Variants in CHSY1 observed in about 807,000 individuals in gnomAD.
The protein encoded by CHSY1 is N-acetylgalactosaminyl-proteoglycan 3-beta-glucuronosyltransferase 1.
Under a neutral mutation model 59.8 loss-of-function variants are expected in CHSY1, and 13 were observed. That is an observed-to-expected ratio of 0.22 (90% CI 0.14 to 0.35). The LOEUF (loss-of-function observed/expected upper bound fraction) is 0.35, where lower values mean the gene tolerates loss of function less well. CHSY1 is among the 10% of genes least tolerant of loss of function. The pLI is 1.00. For missense variants in CHSY1, 947 were observed against 1,030.6 expected (o/e 0.92, Z 1.11); for synonymous variants, 459 against 401.2 (o/e 1.14, Z -1.72).
chr15:101,248,534 G>C (rs932745315), intron 1 of CHSY1, among the ~76,000 whole-genome samples: 9 of 152,174 alleles, frequency 5.9e-5, no homozygotes, highest in African/African-American at 2.2e-4. Context: ...CCTGGTAGGC[G>C]TTTTCCTTTC....
At chr15:101,195,381 C>T (rs1240348483) in intron 2 of CHSY1, among the ~76,000 whole-genome samples, 1 of 152,152 alleles carries the variant, frequency 6.6e-6, no homozygotes, top group African/African-American at 2.4e-5. Context: ...CTATTTGTGT[C>T]AGGATTTCAA....
At chr15:101,187,126 G>A (rs1405468531) in intron 2 of CHSY1, among the ~76,000 whole-genome samples, 4 of 152,126 alleles carry the variant, frequency 2.6e-5, no homozygotes, top group African/African-American at 4.8e-5. Flanking sequence ...TTATAAATAC[G>A]AGATTCTTAA....
At chr15:101,188,921 T>G (rs1025142231) in intron 2 of CHSY1, among the ~76,000 whole-genome samples, 1 of 152,098 alleles carries the variant, frequency 6.6e-6, no homozygotes, top group East Asian at 1.9e-4. Flanking sequence ...GGGCAATCAG[T>G]TGAATGCACC....
intron 2 of CHSY1, among the ~76,000 whole-genome samples, chr15:101,200,866 C>T (rs1417572411): frequency 6.6e-6 from 1 of 152,162 alleles, no homozygotes; most frequent in Non-Finnish European, 1.5e-5. Flanking sequence ...CTTAGGTCTC[C>T]TCACATTCCA....
chr15:101,181,402 A>C (rs753812611), intron 2 of CHSY1, among the ~76,000 whole-genome samples: 11 of 151,474 alleles, frequency 7.3e-5, no homozygotes, highest in Non-Finnish European at 1.5e-4. Flanking sequence ...AATGAACACG[A>C]AGAACCATAA....
chr15:101,212,028 A>G (rs867865695), intron 2 of CHSY1, among the ~76,000 whole-genome samples: 2 of 152,316 alleles, frequency 1.3e-5, no homozygotes, highest in Middle Eastern at 3.4e-3. Flanking sequence ...CACAAAAGAC[A>G]GGCACATGAT....
At chr15:101,220,656 T>C (rs1162356926) in intron 2 of CHSY1, among the ~76,000 whole-genome samples, 8 of 152,200 alleles carry the variant, frequency 5.3e-5, no homozygotes, top group African/African-American at 1.9e-4. Flanking sequence ...TGGAGGCTCG[T>C]CTGCCCCAAC....
intron 1 of CHSY1, among the ~76,000 whole-genome samples, chr15:101,249,093 G>A (rs1257103597): frequency 2.0e-5 from 3 of 151,546 alleles, no homozygotes; most frequent in Non-Finnish European, 2.9e-5. Context: ...GTGAGCCACC[G>A]CGCCCGGCCT....
At chr15:101,216,460 T>C (rs1159101641) in intron 2 of CHSY1, among the ~76,000 whole-genome samples, 1 of 152,250 alleles carries the variant, frequency 6.6e-6, no homozygotes, top group Non-Finnish European at 1.5e-5. Context: ...TATAGCAGCT[T>C]TATTCCTAAT....
At chr15:101,241,129 C>T (rs942011177) in intron 1 of CHSY1, among the ~76,000 whole-genome samples, 3 of 152,098 alleles carry the variant, frequency 2.0e-5, no homozygotes, top group Non-Finnish European at 4.4e-5. Context: ...GGAGTCTGGC[C>T]CTGTCGCCCA....
intron 2 of CHSY1, 68 bp from the exon 3 acceptor site, chr15:101,179,048 A>C: frequency 6.8e-7 from 1 of 1,478,368 alleles, no homozygotes; most frequent in Non-Finnish European, 9.4e-7. Context: ...CATGCTAAAG[A>C]AAATGCAAAT....
At chr15:101,186,865 G>C (rs527709160) in intron 2 of CHSY1, 3 of 152,290 alleles carry the variant, frequency 2.0e-5, no homozygotes, top group African/African-American at 7.2e-5. Flanking sequence ...AAAAGTGACT[G>C]CATTGTACTA....
At chr15:101,219,670 T>A (rs2038769850) in intron 2 of CHSY1, among the ~76,000 whole-genome samples, 1 of 152,186 alleles carries the variant, frequency 6.6e-6, no homozygotes, top group Non-Finnish European at 1.5e-5. Flanking sequence ...GAGGTTGATT[T>A]TTTTCAAGTA....
chr15:101,192,315 C>T (rs1022716485), intron 2 of CHSY1, among the ~76,000 whole-genome samples: 2 of 152,298 alleles, frequency 1.3e-5, no homozygotes, highest in East Asian at 1.9e-4. Flanking sequence ...CCTGTCAATA[C>T]GTAAACATTA....
At chr15:101,198,741 A>C (rs545466482) in intron 2 of CHSY1, among the ~76,000 whole-genome samples, 2 of 152,348 alleles carry the variant, frequency 1.3e-5, no homozygotes, top group South Asian at 4.1e-4. Context: ...ACTACGGCCC[A>C]CTGGCCAAAA....
chr15:101,248,633 AT>A (rs918765497), intron 1 of CHSY1, among the ~76,000 whole-genome samples: 11 of 152,368 alleles, frequency 7.2e-5, no homozygotes, highest in African/African-American at 2.4e-4. Context: ...TGAAAAAAAA[AT>A]AATAAATAAA....
At chr15:101,248,942 A>G (rs1417644643) in intron 1 of CHSY1, among the ~76,000 whole-genome samples, 2 of 147,426 alleles carry the variant, frequency 1.4e-5, no homozygotes, top group African/African-American at 5.1e-5. Flanking sequence ...ACCTGCCACC[A>G]AGCCTGGCTA....
chr15:101,221,676 C>G (rs1004249902), intron 2 of CHSY1, among the ~76,000 whole-genome samples: 4 of 152,190 alleles, frequency 2.6e-5, no homozygotes, highest in Admixed American at 2.6e-4. Flanking sequence ...ACTCAACTTT[C>G]TGCCTTAAAT....
chr15:101,243,042 G>A (rs2039017691), intron 1 of CHSY1, among the ~76,000 whole-genome samples: 1 of 152,130 alleles, frequency 6.6e-6, no homozygotes, highest in Admixed American at 6.5e-5. Flanking sequence ...GCAGTAAAGA[G>A]CCCTTTTTTT....
Sources: gnomAD v4.1 joint callset for allele counts (sites outside exome capture counted in the v4.1 genomes callset) on GRCh38, gnomAD v4.1.1 for gene constraint, MANE v1.5 for transcripts, NCBI Gene and HGNC (gene_info 2026-07-23, HGNC 2026-07-21) for gene names.